SEZ6L: variants seen among roughly 807,000 people sequenced by gnomAD.
The protein encoded by SEZ6L is seizure related 6 homolog like.
Under a neutral mutation model 106.2 loss-of-function variants are expected in SEZ6L, and 37 were observed. The ratio of observed to expected loss-of-function variants is 0.35; its 90% confidence interval spans 0.27 to 0.46. SEZ6L has a LOEUF of 0.46. SEZ6L is among the 20% of genes least tolerant of loss of function. The pLI is 1.00. For missense variants in SEZ6L, 1,172 were observed against 1,332.8 expected (o/e 0.88, Z 1.88); for synonymous variants, 541 against 570.4 (o/e 0.95, Z 0.73).
intron 1 of SEZ6L, among the ~76,000 whole-genome samples, chr22:26,210,135 G>A (rs1225729002): frequency 6.6e-6 from 1 of 152,194 alleles, no homozygotes; most frequent in Non-Finnish European, 1.5e-5. Flanking sequence ...CCAACCACCT[G>A]GGAAGCCTCT....
intron 12 of SEZ6L, among the ~76,000 whole-genome samples, chr22:26,361,329 C>A (rs1363583866): frequency 8.2e-6 from 1 of 121,928 alleles, no homozygotes; most frequent in African/African-American, 2.9e-5. Flanking sequence ...GGAACCCCGT[C>A]TCTACTAAAA....
intron 1 of SEZ6L, among the ~76,000 whole-genome samples, chr22:26,259,786 C>T (rs1207396): frequency 0.97 from 147,289 of 152,266 alleles, 71,437 homozygotes; most frequent in East Asian, 1. Flanking sequence ...TCCTGGAATG[C>T]CAATCATATC....
In SEZ6L at chr22:26,369,356, T is replaced by TTTTTTTTTTTTTTTTTTTTTTTTTTG. The variant is rs1601635216; in HGVS notation, c.2794+3791_2794+3792insTTTTTTTTTTTTTTTTTTTTTTTTGT. ...ATAAGCAGTTCTTTTGTTTTTTTTT[T>TTTTTTTTTTTTTTTTTTTTTTTTTTG]TGAGACAGATTCTCGCTCTGTCCCC... is the stretch of plus-strand genomic sequence containing the variant. On this transcript the variant is annotated intron_variant, in intron 13 of 16. Transcript: ENST00000248933. Among the ~76,000 whole-genome samples the TTTTTTTTTTTTTTTTTTTTTTTTTTG allele has an allele frequency of 5.5e-5, 7 of 127,086 alleles. 1 individual carries two copies. Among genetic ancestry groups the TTTTTTTTTTTTTTTTTTTTTTTTTTG allele is most frequent in the Admixed American group, 1.7e-4 (2 of 11,546 alleles). The allele number at this position is 127,086 out of a possible 152,430, so 83.4% of individuals were successfully genotyped here. A position where few individuals can be genotyped will look rare whatever the true frequency, so the allele number is the denominator to read the frequency against.
intron 1 of SEZ6L, among the ~76,000 whole-genome samples, chr22:26,177,255 C>A (rs1298841965): frequency 6.6e-6 from 1 of 151,848 alleles, no homozygotes. Flanking sequence ...AGAGGAAAAC[C>A]AATGAGATAA....
At chr22:26,315,925 G>C (rs1162375707) in intron 9 of SEZ6L, among the ~76,000 whole-genome samples, 1 of 151,856 alleles carries the variant, frequency 6.6e-6, no homozygotes, top group Non-Finnish European at 1.5e-5. Flanking sequence ...CAGGCATGGT[G>C]GCACCTGTAG....
Position 26,199,810 on chromosome 22 carries a change from C to A in SEZ6L, c.94+30047C>A, listed in dbSNP as rs77414426. ...AGATTCAGTTCTACAAGACTTGAGG[C>A]CGAACTAAACAAATGAAGAGGAGGA... is the stretch of plus-strand genomic sequence containing the variant. On this transcript the variant is annotated intron_variant, in intron 1 of 16. Coordinates refer to ENST00000248933, the MANE Select transcript of SEZ6L (RefSeq NM_021115.5). Among the ~76,000 whole-genome samples, 11 of 152,262 alleles carry A rather than the reference C, an allele frequency of 7.2e-5. No homozygotes were observed. In the East Asian group the frequency reaches 2.1e-3, roughly 29 times the overall value.
chr22:26,190,239 C>T (rs191627121), intron 1 of SEZ6L, among the ~76,000 whole-genome samples: 5 of 151,954 alleles, frequency 3.3e-5, no homozygotes, highest in East Asian at 3.9e-4. Context: ...GAGGTTACCA[C>T]GAAACAAATT....
At chr22:26,302,315 A>G (rs1417824060) in intron 5 of SEZ6L, among the ~76,000 whole-genome samples, 1 of 152,176 alleles carries the variant, frequency 6.6e-6, no homozygotes, top group African/African-American at 2.4e-5. Context: ...TCATATGCAC[A>G]TTACACCTGG....
Position 26,292,737 on chromosome 22 carries a change from C to A in SEZ6L, c.426C>A (p.Val142=), listed in dbSNP as rs767528757. 3 of 1,613,978 alleles carry A rather than the reference C, an allele frequency of 1.9e-6. No individual in the cohort carries two copies. The African/African-American group carries it at 4.0e-5, about 22-fold the overall frequency. ...CCAAGGCCACCTCCGCAGCCACTGT[C>A]CAAAGGGCAGGGTCCCAGCCAGCGT... ...LRPKATSAAT[V]QRAGSQPASQ... Residue 142 remains valine, a synonymous_variant, in exon 2 of 17, where the codon GTC becomes GTA. Coordinates refer to ENST00000248933, the MANE Select transcript of SEZ6L (RefSeq NM_021115.5).
At chr22:26,217,144 G>A (rs1217571112) in intron 1 of SEZ6L, among the ~76,000 whole-genome samples, 10 of 152,116 alleles carry the variant, frequency 6.6e-5, no homozygotes, top group Non-Finnish European at 1.0e-4. Flanking sequence ...GTACCTGCGT[G>A]GCAACTTGCA....
At chr22:26,327,352 TGCC>T (rs1437121119) in intron 9 of SEZ6L, among the ~76,000 whole-genome samples, 3 of 33,940 alleles carry the variant, frequency 8.8e-5, no homozygotes, top group African/African-American at 4.3e-4. Flanking sequence ...ACCACACACA[TGCC>T]ACACATGCCA....
chr22:26,381,421 T>C lies in SEZ6L; in HGVS notation c.*1126T>C, dbSNP rs1224212369. On this transcript the variant is annotated 3_prime_UTR_variant, in exon 17 of 17. Transcript: ENST00000248933. ...GTCCCATGAGAAGAAACTATTTTTC[T>C]ATTCTCCAAAGCTGTCTGGATGTTG... The C allele has an allele frequency of 6.6e-6, 1 of 152,278 alleles. No homozygotes were observed. Among genetic ancestry groups the C allele is most frequent in the African/African-American group, 2.4e-5 (1 of 41,444 alleles). 9.4% of individuals were successfully genotyped at this position (152,278 alleles called of 1,614,324 possible). A position where few individuals can be genotyped will look rare whatever the true frequency, so the allele number is the denominator to read the frequency against.
intron 1 of SEZ6L, among the ~76,000 whole-genome samples, chr22:26,206,373 T>C (rs545189067): frequency 3.3e-5 from 5 of 152,324 alleles, no homozygotes; most frequent in African/African-American, 1.2e-4. Flanking sequence ...GTATATAATT[T>C]TTAAAACATT....
At chr22:26,251,087 A>G (rs1201868579) in intron 1 of SEZ6L, among the ~76,000 whole-genome samples, 2 of 152,190 alleles carry the variant, frequency 1.3e-5, no homozygotes, top group Non-Finnish European at 2.9e-5. Flanking sequence ...TTTTTCCTAA[A>G]TATAAGATCA....
intron 1 of SEZ6L, among the ~76,000 whole-genome samples, chr22:26,284,988 G>A (rs11090435): frequency 6.6e-6 from 1 of 152,010 alleles, no homozygotes; most frequent in African/African-American, 2.4e-5. Flanking sequence ...GAGATCCTAA[G>A]AGGGAATGAA....
At chr22:26,374,505 T>G (rs573037649) in intron 14 of SEZ6L, among the ~76,000 whole-genome samples, 8 of 152,320 alleles carry the variant, frequency 5.3e-5, no homozygotes, top group African/African-American at 1.9e-4. Context: ...TTCGTGTTAG[T>G]CTCCATTCAG....
chr22:26,319,408 A>C (rs2082092633), intron 9 of SEZ6L, among the ~76,000 whole-genome samples: 1 of 152,156 alleles, frequency 6.6e-6, no homozygotes, highest in Non-Finnish European at 1.5e-5. Context: ...TCCCTGTTTT[A>C]TTTGGACTTA....
intron 1 of SEZ6L, among the ~76,000 whole-genome samples, chr22:26,171,048 G>A (rs1414774514): frequency 6.6e-6 from 1 of 152,150 alleles, no homozygotes. Context: ...AACCCTTCCC[G>A]GTGGCCTGGA....
chr22:26,220,666 G>A (rs1411020359), intron 1 of SEZ6L, among the ~76,000 whole-genome samples: 1 of 152,170 alleles, frequency 6.6e-6, no homozygotes, highest in African/African-American at 2.4e-5. Context: ...GCCTACAGAA[G>A]CTGTCACAGT....
Sources: allele counts gnomAD v4.1 joint callset (sites outside exome capture counted in the v4.1 genomes callset), GRCh38; gene constraint gnomAD v4.1.1; transcripts MANE v1.5; gene names NCBI Gene and HGNC (gene_info 2026-07-23, HGNC 2026-07-21).